The following SASH1 variants were observed in gnomAD, a reference collection of about 807,000 sequenced individuals.
The protein encoded by SASH1 is SAM and SH3 domain containing 1.
In SASH1, 44 loss-of-function variants were observed where a neutral mutation model predicts 125.2. The ratio of observed to expected loss-of-function variants is 0.35; its 90% confidence interval spans 0.28 to 0.45. The LOEUF is 0.45. SASH1 is among the 20% of genes least tolerant of loss of function. The pLI, the probability that SASH1 is intolerant of heterozygous loss-of-function variation, is 1.00. For missense variants in SASH1, 1,426 were observed against 1,614.5 expected (o/e 0.88, Z 2.00); for synonymous variants, 639 against 649.1 (o/e 0.98, Z 0.24).
chr6:148,442,813 G>A (rs757862695), intron 4 of SASH1, among the ~76,000 whole-genome samples: 2 of 150,728 alleles, frequency 1.3e-5, no homozygotes, highest in Non-Finnish European at 1.5e-5. Context: ...TCGCTCTGTC[G>A]CCCAGGCTGG....
intron 1 of SASH1, among the ~76,000 whole-genome samples, chr6:148,319,640 G>A (rs1780588046): frequency 1.3e-5 from 2 of 151,818 alleles, no homozygotes; most frequent in African/African-American, 2.4e-5. Context: ...TCAGGCTCCC[G>A]AGTAGCTGGG....
chr6:148,519,955 C>A lies in SASH1; in HGVS notation c.1209+62C>A. The A allele has an allele frequency of 8.4e-7, 1 of 1,184,542 alleles. No individual in the cohort carries two copies. Among genetic ancestry groups the A allele is most frequent in the Non-Finnish European group, 1.2e-6 (1 of 854,024 alleles). 73.4% of individuals were successfully genotyped at this position (1,184,542 alleles called of 1,614,324 possible). ...CGTCGCAGGCACCACCTTCTGGTGT[C>A]CCTGGAGGAGTTTCAGAGTGTCCGG... On this transcript the variant is annotated intron_variant, in intron 10 of 19. Coordinates refer to ENST00000367467, the MANE Select transcript of SASH1 (RefSeq NM_015278.5). This position sits in a 1 kb window ranked among gnomAD's most constrained non-coding sequence, Gnocchi z 4.8.
intron 2 of SASH1, among the ~76,000 whole-genome samples, chr6:148,435,378 C>CAA (rs35272119): frequency 9.6e-5 from 10 of 104,410 alleles, no homozygotes; most frequent in Non-Finnish European, 1.7e-4. Context: ...GACTCTGACT[C>CAA]AAAAAAAAAA....
intron 1 of SASH1, among the ~76,000 whole-genome samples, chr6:148,297,620 G>A (rs1011036067): frequency 2.0e-5 from 3 of 152,172 alleles, no homozygotes; most frequent in Admixed American, 2.0e-4. Context: ...CTGAGGTCAG[G>A]AGTTCAAGAC....
chr6:148,240,970 C>CG, the SASH1 span, among the ~76,000 whole-genome samples: 1 of 151,998 alleles, frequency 6.6e-6, no homozygotes, highest in African/African-American at 2.4e-5. Context: ...GCATAGTCAC[C>CG]ATTTTTTTAA....
At chr6:148,366,758 C>T (rs1055246128) in intron 1 of SASH1, among the ~76,000 whole-genome samples, 5 of 151,752 alleles carry the variant, frequency 3.3e-5, no homozygotes, top group African/African-American at 9.7e-5. Context: ...CCACCAAGCC[C>T]GCGTAATTTT....
At chr6:148,385,415 A>G (rs1057100947) in intron 1 of SASH1, among the ~76,000 whole-genome samples, 9 of 152,200 alleles carry the variant, frequency 5.9e-5, no homozygotes, top group Non-Finnish European at 1.3e-4. Context: ...GATATTGTGA[A>G]ATACATATTT....
intron 1 of SASH1, among the ~76,000 whole-genome samples, chr6:148,369,577 A>C (rs561879218): frequency 3.3e-5 from 5 of 152,272 alleles, no homozygotes; most frequent in South Asian, 4.1e-4. Context: ...CCAAGACACA[A>C]AAAAAATTTA....
intron 12 of SASH1, among the ~76,000 whole-genome samples, chr6:148,528,117 G>T (rs139315726): frequency 1.3e-5 from 2 of 152,162 alleles, no homozygotes; most frequent in African/African-American, 4.8e-5. Context: ...TCAGAGAGGG[G>T]TGTTTTCCCT....
At position 148,295,735 on chromosome 6, in the gene SASH1, C is replaced by G. The variant is rs1236344523; in HGVS notation, n.74+23358C>G. Among the ~76,000 whole-genome samples the G allele has an allele frequency of 2.0e-5, 3 of 152,196 alleles. 1 individual carries two copies. The highest frequency in any genetic ancestry group is 1.3e-4 in the Admixed American group (2 of 15,276). Reference sequence around the variant, plus strand: ...CCCTGTCTGAGGACGTGCAGTTGGGCTGAAGAACGGTGCAGAATTGTTCCT... The same window carrying G: ...CCCTGTCTGAGGACGTGCAGTTGGGGTGAAGAACGGTGCAGAATTGTTCCT... On this transcript the variant is annotated intron_variant and non_coding_transcript_variant, in intron 1 of 3. Transcript: ENST00000367469.
intron 15 of SASH1, 33 bp from the exon 16 acceptor site, chr6:148,534,718 G>A: frequency 6.2e-7 from 1 of 1,613,304 alleles, no homozygotes. Context: ...TGGGCTGGCT[G>A]ACACCCTTCT....
intron 1 of SASH1, among the ~76,000 whole-genome samples, chr6:148,301,342 A>C (rs1779938800): frequency 6.6e-6 from 1 of 151,626 alleles, no homozygotes; most frequent in South Asian, 2.1e-4. Flanking sequence ...AAAAAAAAAA[A>C]AAAAACTCTG....
In SASH1 at chr6:148,533,035, CCT is replaced by C; in HGVS notation, c.1734+71_1734+72del. ...ATTTCTCTAGGAGGCTTTCTTTCCT[CCT>C]CACTGTTGAATGCTGGGCTACTATG... On this transcript the variant is annotated intron_variant, in intron 14 of 19. Coordinates refer to ENST00000367467, the MANE Select transcript of SASH1 (RefSeq NM_015278.5). This position sits in a 1 kb window ranked among gnomAD's most constrained non-coding sequence, Gnocchi z 6.2. 6.5e-7 allele frequency: 1 copy of C among 1,529,904 alleles called. No homozygotes were observed. Among genetic ancestry groups the C allele is most frequent in the South Asian group, 1.1e-5 (1 of 87,482 alleles). 94.8% of individuals were successfully genotyped at this position (1,529,904 alleles called of 1,614,324 possible).
At chr6:148,386,808 AC>A (rs571573719) in intron 1 of SASH1, among the ~76,000 whole-genome samples, 23 of 152,152 alleles carry the variant, frequency 1.5e-4, no homozygotes, top group Non-Finnish European at 2.5e-4. Flanking sequence ...TCAAACTCAC[AC>A]ACAAAAGGGA....
At chr6:148,471,554 A>ATTCTTCCCATGTT in intron 6 of SASH1, 51 bp downstream of exon 6, 2 of 1,097,908 alleles carry the variant, frequency 1.8e-6, no homozygotes, top group African/African-American at 1.6e-5. Context: ...CTAACATGGG[A>ATTCTTCCCATGTT]AGAATCCTAT....
rs548639601 is a variant in SASH1, at chr6:148,446,323, T to C, written c.386+5916T>C. Among the ~76,000 whole-genome samples the C allele has an allele frequency of 4.1e-4, 62 of 152,170 alleles. 1 individual carries two copies. Among genetic ancestry groups the C allele is most frequent in the Admixed American group, 2.3e-3 (35 of 15,272 alleles). Reference sequence around the variant, plus strand: ...CGGGGTTTCACCGTGTTAGCCAGGATGGTCTTGATCTCCTGACCTCATGAT... The same window carrying C: ...CGGGGTTTCACCGTGTTAGCCAGGACGGTCTTGATCTCCTGACCTCATGAT... On this transcript the variant is annotated intron_variant, in intron 4 of 19. Transcript: ENST00000367467.
chr6:148,452,027 C>T (rs983647743), intron 4 of SASH1, among the ~76,000 whole-genome samples: 2 of 152,142 alleles, frequency 1.3e-5, no homozygotes, highest in African/African-American at 4.8e-5. Flanking sequence ...CGCTTCTGCC[C>T]CACGGAGGTG....
At chr6:148,305,623 C>CA (rs59521298) in intron 1 of SASH1, among the ~76,000 whole-genome samples, 7,726 of 103,978 alleles carry the variant, frequency 0.074, 304 homozygotes, top group East Asian at 0.093. Flanking sequence ...GACTCTGACT[C>CA]AAAAAAAAAA....
intron 2 of SASH1, among the ~76,000 whole-genome samples, chr6:148,394,708 A>T (rs932019863): frequency 6.6e-5 from 10 of 151,848 alleles, no homozygotes; most frequent in African/African-American, 2.2e-4. Flanking sequence ...GCATTGGCGC[A>T]ATCTCAGCTC....
Sources: gnomAD v4.1 joint callset for allele counts (sites outside exome capture counted in the v4.1 genomes callset) on GRCh38, gnomAD v4.1.1 for gene constraint, Gnocchi (gnomAD v3.1) non-coding constraint, MANE v1.5 for transcripts, NCBI Gene and HGNC (gene_info 2026-07-23, HGNC 2026-07-21) for gene names.